Variants in SIM1 observed in about 807,000 individuals in gnomAD.
SIM1 encodes SIM bHLH transcription factor 1, also known as single-minded homolog 1.
Under a neutral mutation model 78.2 loss-of-function variants are expected in SIM1, and 18 were observed. That is an observed-to-expected ratio of 0.23 (90% confidence interval 0.16 to 0.34). The LOEUF is 0.34. SIM1 is among the 10% of genes least tolerant of loss of function. The pLI, the probability that SIM1 is intolerant of heterozygous loss-of-function variation, is 1.00. For missense variants in SIM1, 939 were observed against 975.1 expected (o/e 0.96, Z 0.49); for synonymous variants, 417 against 385.2 (o/e 1.08, Z -0.97).
At chr6:100,449,734 G>A in intron 4 of SIM1, 35 bp from the exon 5 acceptor site, 2 of 1,548,360 alleles carry the variant, frequency 1.3e-6, no homozygotes, top group South Asian at 2.2e-5. Context: ...CGCCGTGGCG[G>A]TGGAATGCCC....
intron 9 of SIM1, among the ~76,000 whole-genome samples, chr6:100,445,376 T>A (rs1015129983): frequency 2.6e-5 from 4 of 152,218 alleles, no homozygotes; most frequent in African/African-American, 9.6e-5. Context: ...TATTTCCATT[T>A]TCATTCAGAG....
intron 9 of SIM1, among the ~76,000 whole-genome samples, chr6:100,434,433 A>C (rs995925803): frequency 6.6e-6 from 1 of 152,238 alleles, no homozygotes; most frequent in African/African-American, 2.4e-5. Context: ...TGATCTGATA[A>C]CAAGCAGCTC....
Position 100,449,605 on chromosome 6 carries a change from G to A in SIM1, c.443C>T (p.Ser148Phe). 2 of 1,613,918 alleles carry A rather than the reference G, an allele frequency of 1.2e-6. No individual in the cohort carries two copies. The highest frequency in any genetic ancestry group is 8.5e-7 in the Non-Finnish European group (1 of 1,179,782). The part of the protein sequence containing the change: ...AVLTAHQPYH[S>F]HFVQEYEIER... ...GTCTACCTTACCCTGCACGAAGTGA[G>A]AGTGGTAGGGTTGATGGGCGGTGAG... The change falls in exon 5 of 12, where the codon TCT becomes TTT. Residue 148 changes from serine to phenylalanine, a missense_variant. Physicochemically the swap from Ser to Phe is radical, Grantham distance 155. This residue lies in a region of SIM1 where 187 missense variants were observed against 191.6 expected (regional missense o/e 0.98). Coordinates refer to ENST00000369208, the MANE Select transcript of SIM1 (RefSeq NM_005068.3).
chr6:100,448,044 T>A, intron 8 of SIM1, 102 bp downstream of exon 8: 2 of 912,560 alleles, frequency 2.2e-6, no homozygotes, highest in Non-Finnish European at 1.6e-6. Flanking sequence ...CTCCCTGGGC[T>A]CCCACCTGTC....
At chr6:100,403,699 T>A (rs1166894037) in intron 10 of SIM1, among the ~76,000 whole-genome samples, 1 of 152,214 alleles carries the variant, frequency 6.6e-6, no homozygotes, top group Non-Finnish European at 1.5e-5. Flanking sequence ...GGAAAAGAAC[T>A]GTGATGTATT....
intron 9 of SIM1, among the ~76,000 whole-genome samples, chr6:100,429,608 T>C (rs1771849353): frequency 6.6e-6 from 1 of 152,228 alleles, no homozygotes; most frequent in Non-Finnish European, 1.5e-5. Flanking sequence ...TATTGAGAGA[T>C]AATAAACTAA....
At chr6:100,395,473 AC>A (rs1227016797) in intron 10 of SIM1, among the ~76,000 whole-genome samples, 1 of 152,202 alleles carries the variant, frequency 6.6e-6, no homozygotes, top group Non-Finnish European at 1.5e-5. Flanking sequence ...AACAGTGCTA[AC>A]GAAAAAAGGA....
At chr6:100,392,514 T>G (rs1472987441) in intron 11 of SIM1, among the ~76,000 whole-genome samples, 1 of 152,244 alleles carries the variant, frequency 6.6e-6, no homozygotes, top group African/African-American at 2.4e-5. Context: ...GATTGCCCTT[T>G]GCTCTGGGTT....
chr6:100,436,757 TG>T (rs1772062268), intron 9 of SIM1, among the ~76,000 whole-genome samples: 2 of 150,454 alleles, frequency 1.3e-5, no homozygotes, highest in African/African-American at 2.5e-5. Context: ...TTTTTTTTTT[TG>T]AGATGGCCTC....
intron 9 of SIM1, among the ~76,000 whole-genome samples, chr6:100,430,015 G>A (rs1258878245): frequency 6.6e-6 from 1 of 152,026 alleles, no homozygotes; most frequent in Non-Finnish European, 1.5e-5. Context: ...CCTTTCATGT[G>A]AGCTATATGA....
intron 9 of SIM1, among the ~76,000 whole-genome samples, chr6:100,433,024 C>T (rs1013222350): frequency 7.2e-5 from 11 of 152,116 alleles, no homozygotes; most frequent in African/African-American, 2.7e-4. Flanking sequence ...CCCATTGGGC[C>T]TACCTTCAAA....
rs780103987 is a variant in SIM1 at position 100,448,611 on chromosome 6, C to A, written c.611G>T (p.Cys204Phe). ...GGCCACCAGGCCCACGTTTTGGTAG[C>A]AGCCGTCGAAGGGGGACATGTCCAG... ...YSLDMSPFDG[C>F]YQNVGLVAVG... Residue 204 changes from cysteine to phenylalanine, a missense_variant, in exon 7 of 12, where the codon TGC becomes TTC. This residue lies in a region of SIM1 where 187 missense variants were observed against 191.6 expected (regional missense o/e 0.98). Coordinates refer to ENST00000369208, the MANE Select transcript of SIM1 (RefSeq NM_005068.3). 1 of 1,614,046 alleles carries A rather than the reference C, an allele frequency of 6.2e-7. No homozygotes were observed. The highest frequency in any genetic ancestry group is 8.5e-7 in the Non-Finnish European group (1 of 1,180,028).
At chr6:100,448,884 C>T (rs1772435566) in intron 6 of SIM1, among the ~76,000 whole-genome samples, 1 of 152,158 alleles carries the variant, frequency 6.6e-6, no homozygotes, top group African/African-American at 2.4e-5. Context: ...CCTGGGAGCG[C>T]GTACAAAATG....
At chr6:100,434,821 C>T (rs1375763973) in intron 9 of SIM1, among the ~76,000 whole-genome samples, 1 of 152,126 alleles carries the variant, frequency 6.6e-6, no homozygotes, top group Admixed American at 6.5e-5. Flanking sequence ...ACAATCTACC[C>T]ATCAGCCCAT....
chr6:100,441,182 C>T (rs1772206500), intron 9 of SIM1, among the ~76,000 whole-genome samples: 1 of 152,158 alleles, frequency 6.6e-6, no homozygotes, highest in African/African-American at 2.4e-5. Context: ...AATCAGTGTC[C>T]TTCAGGTCAG....
intron 9 of SIM1, among the ~76,000 whole-genome samples, chr6:100,445,769 G>A (rs1478718390): frequency 6.6e-6 from 1 of 152,070 alleles, no homozygotes; most frequent in Non-Finnish European, 1.5e-5. Flanking sequence ...GACATACAAA[G>A]CACCTTCTTA....
At chr6:100,447,763 G>A (rs577797902) in intron 8 of SIM1, among the ~76,000 whole-genome samples, 1 of 152,358 alleles carries the variant, frequency 6.6e-6, no homozygotes, top group South Asian at 2.1e-4. Flanking sequence ...ATCCCTGCCC[G>A]GGAGATTACG....
intron 10 of SIM1, among the ~76,000 whole-genome samples, chr6:100,419,328 ATCT>A (rs946869932): frequency 1.3e-5 from 2 of 152,168 alleles, no homozygotes; most frequent in Admixed American, 6.5e-5. Flanking sequence ...AAGAAACCTG[ATCT>A]TCTGTGGAAG....
At chr6:100,443,847 G>T (rs990769635) in intron 9 of SIM1, among the ~76,000 whole-genome samples, 2 of 152,072 alleles carry the variant, frequency 1.3e-5, no homozygotes, top group African/African-American at 2.4e-5. Context: ...GAGATATAAA[G>T]CATATTTTTA....
Sources: allele counts gnomAD v4.1 joint callset (sites outside exome capture counted in the v4.1 genomes callset), GRCh38; gene constraint gnomAD v4.1.1; regional missense constraint gnomAD v4.1.1; transcripts MANE v1.5; gene names NCBI Gene and HGNC (gene_info 2026-07-23, HGNC 2026-07-21).